Variants in EBF1 observed in about 807,000 individuals in gnomAD.
EBF1 encodes EBF transcription factor 1.
Under a neutral mutation model 68.4 loss-of-function variants are expected in EBF1, and 10 were observed. That is an observed-to-expected ratio of 0.15 (90% confidence interval 0.09 to 0.25). The LOEUF (loss-of-function observed/expected upper bound fraction) is 0.25, where lower values mean the gene tolerates loss of function less well. Among genes scored for constraint, EBF1 ranks in the 10% least tolerant of loss-of-function variants. EBF1 has a pLI of 1.00. For missense variants in EBF1, 509 were observed against 794.4 expected (o/e 0.64, Z 4.32); for synonymous variants, 298 against 299.8 (o/e 0.99, Z 0.06).
At chr5:159,073,771 G>A in intron 5 of EBF1, 1 of 351,722 alleles carries the variant, frequency 2.8e-6, no homozygotes, top group Non-Finnish European at 5.3e-6. Flanking sequence ...ACTGTGAAGT[G>A]CACTGTTATT....
intron 6 of EBF1, among the ~76,000 whole-genome samples, chr5:159,022,396 A>C (rs1036268943): frequency 2.0e-5 from 3 of 152,212 alleles, no homozygotes; most frequent in Non-Finnish European, 2.9e-5. Context: ...TATGGAGGAA[A>C]GTCAGGCCTC....
At chr5:158,826,713 G>A (rs960095443) in intron 7 of EBF1, among the ~76,000 whole-genome samples, 1 of 152,022 alleles carries the variant, frequency 6.6e-6, no homozygotes, top group African/African-American at 2.4e-5. Flanking sequence ...CTTTTCATCT[G>A]GGCCTTCCTT....
At chr5:158,746,290 G>A (rs1194295086) in intron 10 of EBF1, among the ~76,000 whole-genome samples, 1 of 152,164 alleles carries the variant, frequency 6.6e-6, no homozygotes, top group Non-Finnish European at 1.5e-5. Context: ...CTTTAATGGA[G>A]ATAATGAGAA....
intron 4 of EBF1, among the ~76,000 whole-genome samples, chr5:159,094,156 C>T (rs1332247775): frequency 6.2e-5 from 5 of 80,106 alleles, no homozygotes; most frequent in African/African-American, 2.5e-4. Flanking sequence ...GTGTTTCTGC[C>T]TTGGAAGGCA....
intron 6 of EBF1, among the ~76,000 whole-genome samples, chr5:159,042,860 TA>T (rs35868531): frequency 0.28 from 41,277 of 147,894 alleles, 6,105 homozygotes; most frequent in East Asian, 0.41. Context: ...ACATTCACAG[TA>T]AAAAAAAAAA....
At chr5:159,059,998 G>A (rs922478624) in intron 6 of EBF1, among the ~76,000 whole-genome samples, 10 of 152,114 alleles carry the variant, frequency 6.6e-5, no homozygotes, top group African/African-American at 2.4e-4. Context: ...TCAAATTTGA[G>A]TGACTAGAAA....
At chr5:158,960,862 A>G (rs1048603565) in intron 6 of EBF1, among the ~76,000 whole-genome samples, 8 of 152,214 alleles carry the variant, frequency 5.3e-5, no homozygotes, top group African/African-American at 1.9e-4. Context: ...CTGAGGCCTC[A>G]GGCCAATAGC....
At chr5:158,840,683 T>G (rs1484937510) in intron 6 of EBF1, among the ~76,000 whole-genome samples, 1 of 108,390 alleles carries the variant, frequency 9.2e-6, no homozygotes, top group Non-Finnish European at 1.9e-5. Context: ...GTTTTTTTTT[T>G]TTTTTTGAGA....
intron 6 of EBF1, among the ~76,000 whole-genome samples, chr5:158,927,876 T>C (rs1810018566): frequency 1.3e-5 from 2 of 152,238 alleles, no homozygotes; most frequent in Admixed American, 6.5e-5. Context: ...CTCTTTACAG[T>C]TGAGGAAGCT....
chr5:158,769,968 T>C (rs553885919), intron 10 of EBF1, among the ~76,000 whole-genome samples: 1 of 151,430 alleles, frequency 6.6e-6, no homozygotes, highest in South Asian at 2.1e-4. Context: ...TTCAGCTGAA[T>C]CCCTAAGTGA....
At chr5:158,989,313 T>C (rs1249895020) in intron 6 of EBF1, among the ~76,000 whole-genome samples, 3 of 152,232 alleles carry the variant, frequency 2.0e-5, no homozygotes, top group Non-Finnish European at 4.4e-5. Flanking sequence ...TTTAACACAA[T>C]GCACAGTCGG....
At chr5:159,080,646 C>T (rs1554132145) in intron 5 of EBF1, among the ~76,000 whole-genome samples, 1 of 152,174 alleles carries the variant, frequency 6.6e-6, no homozygotes, top group Non-Finnish European at 1.5e-5. Context: ...TACAAATACT[C>T]TTACTATTAA....
intron 6 of EBF1, among the ~76,000 whole-genome samples, chr5:159,010,250 A>G (rs58785350): frequency 0.075 from 11,435 of 152,270 alleles, 694 homozygotes; most frequent in East Asian, 0.28. Context: ...AGACACAGAC[A>G]GAGGAATGTA....
At chr5:159,004,344 A>G (rs530389149) in intron 6 of EBF1, among the ~76,000 whole-genome samples, 1 of 151,990 alleles carries the variant, frequency 6.6e-6, no homozygotes, top group Admixed American at 6.6e-5. Flanking sequence ...CCTCACTCTG[A>G]CTATATTAAG....
At chr5:159,052,749 C>T (rs915643097) in intron 6 of EBF1, among the ~76,000 whole-genome samples, 34 of 152,256 alleles carry the variant, frequency 2.2e-4, no homozygotes, top group African/African-American at 7.9e-4. Context: ...CTCAGTGGTC[C>T]GTGAGACCCT....
rs145268650 is a variant in EBF1, at chr5:158,865,653, A to G, written c.555-25543T>C. Among the ~76,000 whole-genome samples the G allele has an allele frequency of 6.3e-3, 956 of 152,316 alleles. 15 individuals are homozygous for G. Among genetic ancestry groups the G allele is most frequent in the African/African-American group, 0.021 (874 of 41,574 alleles). Reference sequence around the variant, plus strand: ...TGCCGTGTTGTGTTGTGTTTGCTGTAGTAGAGTAGGGGAATAGCAGCCATT... The same window carrying G: ...TGCCGTGTTGTGTTGTGTTTGCTGTGGTAGAGTAGGGGAATAGCAGCCATT... On this transcript the variant is annotated intron_variant, in intron 6 of 15. Coordinates refer to ENST00000313708, the MANE Select transcript of EBF1 (RefSeq NM_024007.5).
At chr5:158,807,830 G>C (rs774842046) in intron 8 of EBF1, among the ~76,000 whole-genome samples, 2 of 152,120 alleles carry the variant, frequency 1.3e-5, no homozygotes, top group Non-Finnish European at 2.9e-5. Flanking sequence ...GATTTTTATT[G>C]TCATGCAAGA....
At chr5:159,093,875 G>A (rs1218771424) in intron 4 of EBF1, among the ~76,000 whole-genome samples, 1 of 151,838 alleles carries the variant, frequency 6.6e-6, no homozygotes. Flanking sequence ...GGTCAATGTT[G>A]CACAAGCAGA....
intron 10 of EBF1, among the ~76,000 whole-genome samples, chr5:158,751,412 C>T (rs1390295388): frequency 1.3e-5 from 2 of 152,060 alleles, no homozygotes; most frequent in African/African-American, 2.4e-5. Context: ...TGGAACCTCT[C>T]CACTTACAGG....
Sources: allele counts gnomAD v4.1 joint callset (sites outside exome capture counted in the v4.1 genomes callset), GRCh38; gene constraint gnomAD v4.1.1; transcripts MANE v1.5; gene names NCBI Gene and HGNC (gene_info 2026-07-23, HGNC 2026-07-21).